NRXN3: variants seen among roughly 807,000 people sequenced by gnomAD.
The protein encoded by NRXN3 is neurexin III.
A neutral mutation model predicts 137.6 loss-of-function variants in NRXN3; 32 were observed. That is an observed-to-expected ratio of 0.23 (90% CI 0.18 to 0.31). The LOEUF is 0.31. Among genes scored for constraint, NRXN3 ranks in the 10% least tolerant of loss-of-function variants. The pLI, the probability that NRXN3 is intolerant of heterozygous loss-of-function variation, is 1.00. For synonymous variants in NRXN3, 798 were observed against 784.5 expected, an observed-to-expected ratio of 1.02 and a Z score of -0.29; for missense variants, 1,574 against 2,062.5, an observed-to-expected ratio of 0.76 and a Z score of 4.59.
intron 15 of NRXN3, among the ~76,000 whole-genome samples, chr14:79,359,525 C>T (rs147652689): frequency 5.1e-4 from 77 of 149,970 alleles, no homozygotes; most frequent in African/African-American, 1.9e-3. Context: ...ATATTAATTT[C>T]ATTGGAGTTA....
chr14:79,527,115 GA>G (rs1435295758), intron 16 of NRXN3, among the ~76,000 whole-genome samples: 1 of 151,900 alleles, frequency 6.6e-6, no homozygotes, highest in Non-Finnish European at 1.5e-5. Flanking sequence ...CAAACATGGT[GA>G]AACCCCGTCT....
At chr14:78,882,273 G>C (rs1236611685) in intron 10 of NRXN3, among the ~76,000 whole-genome samples, 1 of 151,752 alleles carries the variant, frequency 6.6e-6, no homozygotes, top group Admixed American at 6.5e-5. Context: ...TCCCTACTGG[G>C]GTACTGACTA....
chr14:78,795,111 C>A (rs113080717), intron 8 of NRXN3, among the ~76,000 whole-genome samples: 46 of 152,012 alleles, frequency 3.0e-4, no homozygotes, highest in African/African-American at 1.1e-3. Flanking sequence ...GAAAAAAGTT[C>A]TTAATTTGAT....
chr14:79,125,782 C>T lies in NRXN3; in HGVS notation c.3262+137641C>T, dbSNP rs572948747. 6.6e-4 allele frequency among the ~76,000 whole-genome samples: 100 copies of T among 152,138 alleles called. 1 individual carries two copies. In the Middle Eastern group the frequency reaches 0.014, roughly 21 times the overall value. On this transcript the variant is annotated intron_variant, in intron 15 of 20. Coordinates refer to ENST00000335750, the MANE Select transcript of NRXN3 (RefSeq NM_001330195.2). ...ACCAAGTAAACGTATTTTTTCATTT[C>T]CTCTTTTTTTGCTCGTCTTTTTCAT... is the stretch of plus-strand genomic sequence containing the variant.
chr14:78,921,982 G>A (rs781189659), intron 10 of NRXN3, among the ~76,000 whole-genome samples: 19 of 152,128 alleles, frequency 1.2e-4, no homozygotes, highest in Non-Finnish European at 2.5e-4. Context: ...TATTCCTTTT[G>A]TTCTGGTTTA....
chr14:79,495,993 G>A (rs1253250480), intron 16 of NRXN3, among the ~76,000 whole-genome samples: 1 of 151,480 alleles, frequency 6.6e-6, no homozygotes, highest in Non-Finnish European at 1.5e-5. Flanking sequence ...CCAGTCAACA[G>A]AAACTTAAAC....
intron 15 of NRXN3, among the ~76,000 whole-genome samples, chr14:79,334,425 C>CAGGTAT (rs2092075372): frequency 6.6e-6 from 1 of 152,056 alleles, no homozygotes; most frequent in Non-Finnish European, 1.5e-5. Flanking sequence ...GAGGAAATAG[C>CAGGTAT]AGGTATAATC....
chr14:79,302,697 T>C lies in NRXN3; in HGVS notation c.3263-164524T>C, dbSNP rs150223050. Among the ~76,000 whole-genome samples, 262 of 151,996 alleles carry C rather than the reference T, an allele frequency of 1.7e-3. 1 individual carries two copies. Among genetic ancestry groups the C allele is most frequent in the African/African-American group, 6.1e-3 (254 of 41,494 alleles). On this transcript the variant is annotated intron_variant, in intron 15 of 20. Coordinates refer to ENST00000335750, the MANE Select transcript of NRXN3 (RefSeq NM_001330195.2). ...GATGGTGAGTTCTCAGGAGGTTTGA[T>C]TGTTTAAAAGTGTGACCCTTCCCCT...
intron 10 of NRXN3, among the ~76,000 whole-genome samples, chr14:78,811,433 C>A (rs912593076): frequency 5.9e-5 from 9 of 152,118 alleles, no homozygotes; most frequent in Non-Finnish European, 1.2e-4. Flanking sequence ...CTGGAAGTAA[C>A]AAACATCGCT....
At chr14:78,478,259 C>T (rs750215351) in intron 4 of NRXN3, among the ~76,000 whole-genome samples, 28 of 151,912 alleles carry the variant, frequency 1.8e-4, no homozygotes, top group African/African-American at 5.1e-4. Context: ...AGCCAGTATA[C>T]GCTTAAGCAC....
chr14:78,270,770 G>A (rs1002793268), intron 2 of NRXN3, among the ~76,000 whole-genome samples: 3 of 152,128 alleles, frequency 2.0e-5, no homozygotes, highest in Admixed American at 1.3e-4. Flanking sequence ...TATAAATTAG[G>A]GACAATCAGT....
intron 16 of NRXN3, among the ~76,000 whole-genome samples, chr14:79,636,167 C>T (rs1008840106): frequency 5.3e-5 from 8 of 152,134 alleles, no homozygotes; most frequent in African/African-American, 1.9e-4. Context: ...CTATAAAGAT[C>T]CTATTTCCAA....
intron 15 of NRXN3, among the ~76,000 whole-genome samples, chr14:79,267,074 C>A (rs914223711): frequency 2.0e-5 from 3 of 152,116 alleles, no homozygotes; most frequent in African/African-American, 7.2e-5. Context: ...TAATTATTAT[C>A]CAGTAGTCCA....
At chr14:79,816,539 C>T (rs1193589858) in intron 20 of NRXN3, among the ~76,000 whole-genome samples, 1 of 152,162 alleles carries the variant, frequency 6.6e-6, no homozygotes, top group African/African-American at 2.4e-5. Context: ...AATTTTGTTT[C>T]CTCCAAATAT....
chr14:79,156,420 T>G (rs2060261146), intron 15 of NRXN3, among the ~76,000 whole-genome samples: 1 of 151,766 alleles, frequency 6.6e-6, no homozygotes, highest in African/African-American at 2.4e-5. Flanking sequence ...TGTCACAAAT[T>G]AAGAGTGACA....
chr14:78,564,427 C>T (rs2096818470), intron 4 of NRXN3, among the ~76,000 whole-genome samples: 1 of 152,186 alleles, frequency 6.6e-6, no homozygotes, highest in Non-Finnish European at 1.5e-5. Context: ...GCTCCTACTT[C>T]ACCCATTACC....
chr14:78,957,688 A>G (rs1357593701), intron 11 of NRXN3, among the ~76,000 whole-genome samples: 1 of 152,118 alleles, frequency 6.6e-6, no homozygotes, highest in Admixed American at 6.6e-5. Context: ...TCACATGTCA[A>G]TCATCCTCCC....
chr14:78,952,059 C>A (rs947676378), intron 10 of NRXN3, among the ~76,000 whole-genome samples: 1 of 152,134 alleles, frequency 6.6e-6, no homozygotes, highest in Admixed American at 6.5e-5. Context: ...GTCTTTCTCA[C>A]ACCTCCCTGG....
rs113641809 is a variant in NRXN3 at position 78,923,207 on chromosome 14, A to G, written c.2276-34035A>G. ...ACCCTATTGCTTGACTCAGTGAAAT[A>G]CATTGAATATCCTGCCAACACTTTT... On this transcript the variant is annotated intron_variant, in intron 10 of 20. Coordinates refer to ENST00000335750, the MANE Select transcript of NRXN3 (RefSeq NM_001330195.2). 2.4e-3 allele frequency among the ~76,000 whole-genome samples: 364 copies of G among 152,332 alleles called. 1 individual carries two copies. Among genetic ancestry groups the G allele is most frequent in the African/African-American group, 8.0e-3 (333 of 41,582 alleles).
Sources: gnomAD v4.1 joint callset for allele counts (sites outside exome capture counted in the v4.1 genomes callset) on GRCh38, gnomAD v4.1.1 for gene constraint, MANE v1.5 for transcripts, NCBI Gene and HGNC (gene_info 2026-07-23, HGNC 2026-07-21) for gene names.